The following PAX9 variants were observed in gnomAD, a reference collection of about 807,000 sequenced individuals.
The protein encoded by PAX9 is paired box protein Pax-9.
A neutral mutation model predicts 29.1 loss-of-function variants in PAX9; 6 were observed. That is an observed-to-expected ratio of 0.21 (90% CI 0.11 to 0.41). PAX9 has a LOEUF of 0.41. Ranked by LOEUF, PAX9 falls within the 10% of genes least tolerant of loss-of-function variation. PAX9 has a pLI of 1.00. For missense variants in PAX9, 443 were observed against 479.1 expected, an observed-to-expected ratio of 0.92 and a Z score of 0.70; for synonymous variants, 217 against 211.7, an observed-to-expected ratio of 1.03 and a Z score of -0.22.
upstream of PAX9, chr14:36,661,752 C>T (rs886050487): frequency 7.8e-5 from 35 of 446,208 alleles, no homozygotes; most frequent in Non-Finnish European, 1.3e-4. Context: ...TCCTGGACTG[C>T]GCTGTCGCTC....
intron 3 of PAX9, among the ~76,000 whole-genome samples, chr14:36,668,936 C>G (rs925791004): frequency 2.6e-5 from 4 of 151,844 alleles, no homozygotes; most frequent in African/African-American, 9.7e-5. Flanking sequence ...AAATATTGCT[C>G]TAAATACTTA....
chr14:36,661,704 G>T, upstream of PAX9: 1 of 344,698 alleles, frequency 2.9e-6, no homozygotes, highest in Non-Finnish European at 5.3e-6. Context: ...TAGTCACCCA[G>T]GTGGGGAGCT....
At chr14:36,666,871 C>T (rs891275015) in intron 3 of PAX9, among the ~76,000 whole-genome samples, 1 of 152,188 alleles carries the variant, frequency 6.6e-6, no homozygotes, top group Admixed American at 6.5e-5. Flanking sequence ...GGGCGAGGCT[C>T]TGGGAAGCGC....
chr14:36,669,516 G>C (rs953747376), intron 3 of PAX9, among the ~76,000 whole-genome samples: 1 of 152,024 alleles, frequency 6.6e-6, no homozygotes, highest in South Asian at 2.1e-4. Context: ...TATGATACTA[G>C]TTTAATTTTA....
At chr14:36,669,505 A>G (rs1881631744) in intron 3 of PAX9, among the ~76,000 whole-genome samples, 1 of 152,288 alleles carries the variant, frequency 6.6e-6, no homozygotes, top group Non-Finnish European at 1.5e-5. Flanking sequence ...GTGCAAAATT[A>G]TATGATACTA....
At chr14:36,663,975 G>A (rs1485152089) in intron 2 of PAX9, among the ~76,000 whole-genome samples, 2 of 152,200 alleles carry the variant, frequency 1.3e-5, no homozygotes, top group Admixed American at 1.3e-4. Context: ...GGAGAAGTCT[G>A]GCCGGGAGGA....
At chr14:36,672,312 C>T (rs1437776373) in intron 3 of PAX9, among the ~76,000 whole-genome samples, 1 of 150,832 alleles carries the variant, frequency 6.6e-6, no homozygotes, top group East Asian at 1.9e-4. Flanking sequence ...CTCAGCCTAA[C>T]TAGCTTTTCA....
At chr14:36,657,999 C>T (rs1167159771), upstream of PAX9, 1 of 152,306 alleles carries the variant, frequency 6.6e-6, no homozygotes, top group African/African-American at 2.4e-5. Flanking sequence ...TAGCCGCCAT[C>T]CCCTCCCGCA....
chr14:36,666,692 C>A, intron 3 of PAX9, 91 bp downstream of exon 3: 1 of 1,469,750 alleles, frequency 6.8e-7, no homozygotes, highest in Non-Finnish European at 9.3e-7. Context: ...TCTGAGCTTC[C>A]CGCGAGAGAA....
Position 36,676,298 on chromosome 14 carries a change from C to T in PAX9, c.872C>T (p.Ala291Val), listed in dbSNP as rs775496217. Residue 291 changes from alanine to valine, a missense_variant, in exon 4 of 4, where the codon GCT becomes GTT. Physicochemically the swap from Ala to Val is moderately conservative, Grantham distance 64 (BLOSUM62 0). Around this residue, in one of 2 missense-constraint regions of PAX9, gnomAD observed 336 missense variants for 317.2 expected, o/e 1.06. Transcript: ENST00000361487. The part of the protein sequence containing the change: ...AQVSPYMTYS[A>V]APSGYVAGHG... ...GTGTCGCCTTACATGACCTACAGTG[C>T]TGCTCCTTCTGGTTATGTTGCTGGA... The T allele has an allele frequency of 6.2e-7, 1 of 1,614,230 alleles. No homozygotes were observed. Among genetic ancestry groups the T allele is most frequent in the Non-Finnish European group, 8.5e-7 (1 of 1,180,028 alleles).
In PAX9 at chr14:36,663,698, A is replaced by T. The variant is rs79888726; in HGVS notation, c.631+175A>T. On this transcript the variant is annotated intron_variant, in intron 2 of 3. Coordinates refer to ENST00000361487, the MANE Select transcript of PAX9 (RefSeq NM_001372076.1). ...TTCTGATCTCATTAACTTGAAACTC[A>T]TGCCCCTGGTTTCCTTGCCACACAC... Among the ~76,000 whole-genome samples, 2,512 of 152,262 alleles carry T rather than the reference A, an allele frequency of 0.016. 78 individuals are homozygous for T. The highest frequency in any genetic ancestry group is 0.058 in the African/African-American group (2,390 of 41,542).
chr14:36,678,599 T>G lies in PAX9; in HGVS notation c.*2147T>G, dbSNP rs1882023125. ...ACTCTCCTGTCATCTGAAAAACTGA[T>G]GTAAGGTACAGAACTATTCTTTATC... On this transcript the variant is annotated 3_prime_UTR_variant, in exon 4 of 4. Transcript: ENST00000361487. 3.3e-6 allele frequency: 5 copies of G among 1,505,874 alleles called. No homozygotes were observed. The South Asian group carries it at 5.1e-5, about 15-fold the overall frequency. The allele number at this position is 1,505,874 out of a possible 1,614,324, so 93.3% of individuals were successfully genotyped here. A position where few individuals can be genotyped will look rare whatever the true frequency, so the allele number is the denominator to read the frequency against.
chr14:36,672,628 C>T (rs536167187), intron 3 of PAX9, among the ~76,000 whole-genome samples: 5 of 151,920 alleles, frequency 3.3e-5, no homozygotes, highest in Non-Finnish European at 7.4e-5. Context: ...AGCACATTTA[C>T]TTGCTCCTTT....
chr14:36,673,462 G>C (rs1400496249), intron 3 of PAX9, among the ~76,000 whole-genome samples: 1 of 151,926 alleles, frequency 6.6e-6, no homozygotes, highest in Non-Finnish European at 1.5e-5. Flanking sequence ...TGTCCTGCCT[G>C]CCCCTAAATT....
upstream of PAX9, among the ~76,000 whole-genome samples, chr14:36,658,071 G>A (rs1356889101): frequency 6.6e-6 from 1 of 152,104 alleles, no homozygotes; most frequent in Non-Finnish European, 1.5e-5. Flanking sequence ...GGCGCGGGGC[G>A]AGCTTCTGGC....
intron 2 of PAX9, among the ~76,000 whole-genome samples, chr14:36,665,178 A>G (rs1433681136): frequency 6.6e-6 from 1 of 151,780 alleles, no homozygotes; most frequent in Non-Finnish European, 1.5e-5. Flanking sequence ...AAAAAAAAAA[A>G]AAAAAAAAAA....
At chr14:36,662,586 A>G in intron 1 of PAX9, 1 of 486,762 alleles carries the variant, frequency 2.1e-6, no homozygotes, top group Non-Finnish European at 3.7e-6. Flanking sequence ...GAGCACGTTC[A>G]GGCGTCAAGA....
At chr14:36,660,702 T>C (rs1742747524), upstream of PAX9, among the ~76,000 whole-genome samples, 1 of 152,162 alleles carries the variant, frequency 6.6e-6, no homozygotes, top group Admixed American at 6.5e-5. Context: ...AGTAACAGAG[T>C]TCACGACCCC....
At chr14:36,666,385 G>A in intron 2 of PAX9, 77 bp from the exon 3 acceptor site, 1 of 1,546,074 alleles carries the variant, frequency 6.5e-7, no homozygotes, top group South Asian at 1.2e-5. Flanking sequence ...GCTCTCCGTC[G>A]CGGGTTTGGG....
Sources: allele counts gnomAD v4.1 joint callset (sites outside exome capture counted in the v4.1 genomes callset), GRCh38; gene constraint gnomAD v4.1.1; regional missense constraint gnomAD v4.1.1; transcripts MANE v1.5; gene names NCBI Gene and HGNC (gene_info 2026-07-23, HGNC 2026-07-21).